Variants in RIMS2 observed in about 807,000 individuals in gnomAD.
The protein encoded by RIMS2 is regulating synaptic membrane exocytosis 2, also known as regulating synaptic membrane exocytosis protein 2.
Under a neutral mutation model 174.4 loss-of-function variants are expected in RIMS2, and 59 were observed. The ratio of observed to expected loss-of-function variants is 0.34; its 90% CI spans 0.27 to 0.42. The LOEUF (loss-of-function observed/expected upper bound fraction) is 0.42. Ranked by LOEUF, RIMS2 falls within the 10% of genes least tolerant of loss-of-function variation. The pLI is 1.00. For synonymous variants in RIMS2, 606 were observed against 572.5 expected, an observed-to-expected ratio of 1.06 and a Z score of -0.84; for missense variants, 1,620 against 1,666.3, an observed-to-expected ratio of 0.97 and a Z score of 0.48.
chr8:103,638,370 ACTGTGATGCTCTAATGATGACTTTCT>A (rs2096140098), intron 1 of RIMS2, among the ~76,000 whole-genome samples: 1 of 152,080 alleles, frequency 6.6e-6, no homozygotes, highest in Non-Finnish European at 1.5e-5. Context: ...AACAGTTACT[ACTGTGATGCTCTAATGATGACTTTCT>A]ATTTTCTTCA....
At chr8:104,100,809 A>ATATAT (rs367575154) in intron 19 of RIMS2, among the ~76,000 whole-genome samples, 1 of 141,402 alleles carries the variant, frequency 7.1e-6, no homozygotes, top group Admixed American at 7.5e-5. Flanking sequence ...TATATATATT[A>ATATAT]TATATTATAT....
intron 1 of RIMS2, among the ~76,000 whole-genome samples, chr8:103,622,698 T>A (rs903424748): frequency 2.6e-5 from 4 of 152,190 alleles, no homozygotes; most frequent in African/African-American, 9.7e-5. Flanking sequence ...ATTCAGTATA[T>A]CTGCCTTATT....
intron 17 of RIMS2, among the ~76,000 whole-genome samples, chr8:104,010,637 C>CA (rs903028504): frequency 6.7e-6 from 1 of 150,364 alleles, no homozygotes; most frequent in East Asian, 1.9e-4. Context: ...AATTCAAGTA[C>CA]AAAAAAAAGA....
intron 1 of RIMS2, among the ~76,000 whole-genome samples, chr8:103,623,487 T>TG (rs1554691299): frequency 7.4e-6 from 1 of 135,162 alleles, no homozygotes; most frequent in East Asian, 2.1e-4. Context: ...AGTTTTTTTT[T>TG]TTTTTTTTTT....
At chr8:104,206,517 A>G (rs2099080938) in intron 19 of RIMS2, among the ~76,000 whole-genome samples, 1 of 152,256 alleles carries the variant, frequency 6.6e-6, no homozygotes, top group African/African-American at 2.4e-5. Context: ...TATAATGATG[A>G]TAATAATACT....
At chr8:103,753,759 G>C (rs1035737593) in intron 2 of RIMS2, among the ~76,000 whole-genome samples, 29 of 152,176 alleles carry the variant, frequency 1.9e-4, no homozygotes, top group African/African-American at 6.0e-4. Context: ...GTATTTCTGT[G>C]AGATTGGTGG....
chr8:103,928,875 G>A (rs1807547414), intron 11 of RIMS2, among the ~76,000 whole-genome samples: 1 of 151,268 alleles, frequency 6.6e-6, no homozygotes, highest in Admixed American at 6.6e-5. Context: ...GTTATATTTG[G>A]GGGAATCAAC....
chr8:103,614,898 G>T (rs2095470577), intron 1 of RIMS2, among the ~76,000 whole-genome samples: 1 of 152,112 alleles, frequency 6.6e-6, no homozygotes, highest in South Asian at 2.1e-4. Context: ...TTTATATGAA[G>T]ATTTTTGTGA....
intron 2 of RIMS2, among the ~76,000 whole-genome samples, chr8:103,718,672 G>T (rs1175923435): frequency 4.7e-5 from 7 of 149,654 alleles, no homozygotes; most frequent in African/African-American, 1.7e-4. Flanking sequence ...TTTTTTTTGT[G>T]GGGGTGGGGA....
intron 3 of RIMS2, among the ~76,000 whole-genome samples, chr8:103,856,138 C>T (rs2099026331): frequency 6.6e-6 from 1 of 152,094 alleles, no homozygotes; most frequent in Non-Finnish European, 1.5e-5. Flanking sequence ...GTCTTTCTTA[C>T]ATTTTAGTAG....
At chr8:103,586,921 G>T (rs1210968282) in intron 1 of RIMS2, among the ~76,000 whole-genome samples, 1 of 151,980 alleles carries the variant, frequency 6.6e-6, no homozygotes, top group Non-Finnish European at 1.5e-5. Flanking sequence ...TGATATTGCA[G>T]ATATTTAAAG....
At chr8:103,931,418 G>A (rs952381624) in intron 12 of RIMS2, 25 bp downstream of exon 14, 47 of 1,501,570 alleles carry the variant, frequency 3.1e-5, no homozygotes, top group Middle Eastern at 2.0e-4. Context: ...CAAAATAAAT[G>A]TTCTGGAAAA....
chr8:104,138,753 G>A lies in RIMS2; in HGVS notation c.3335-106163G>A, dbSNP rs189502534. The stretch of plus-strand genomic sequence containing the variant: ...ACTTTGTTGTTTCCTTTGCTGTGGC[G>A]GAAGCCTTTTAACCTGATGTGATCC... On this transcript the variant is annotated intron_variant, in intron 19 of 23. Coordinates refer to ENST00000504942, the Ensembl canonical transcript of RIMS2. Among the ~76,000 whole-genome samples the A allele has an allele frequency of 1.7e-3, 253 of 151,980 alleles. 2 individuals are homozygous for A. The highest frequency in any genetic ancestry group is 1.2e-3 in the East Asian group (6 of 5,156).
chr8:103,575,628 A>G (rs1315106190), intron 1 of RIMS2, among the ~76,000 whole-genome samples: 1 of 148,856 alleles, frequency 6.7e-6, no homozygotes, highest in East Asian at 1.9e-4. Context: ...TATATAATAT[A>G]TATTTATGTT....
chr8:103,617,137 A>G (rs1395367171), intron 1 of RIMS2, among the ~76,000 whole-genome samples: 1 of 152,208 alleles, frequency 6.6e-6, no homozygotes, highest in African/African-American at 2.4e-5. Context: ...GGCTACAGTA[A>G]CCAACCAGCA....
intron 19 of RIMS2, among the ~76,000 whole-genome samples, chr8:104,158,654 A>G (rs2098740890): frequency 6.6e-6 from 1 of 152,130 alleles, no homozygotes; most frequent in Admixed American, 6.5e-5. Context: ...ACCAGTGATG[A>G]TGAGCATTTT....
intron 19 of RIMS2, among the ~76,000 whole-genome samples, chr8:104,099,837 G>A (rs1364179772): frequency 6.8e-6 from 1 of 146,410 alleles, no homozygotes; most frequent in Non-Finnish European, 1.5e-5. Context: ...TTTTTTTTGA[G>A]ACAGCATCTC....
At chr8:103,787,836 A>T (rs201543554) in intron 3 of RIMS2, among the ~76,000 whole-genome samples, 34,744 of 151,764 alleles carry the variant, frequency 0.23, 4,204 homozygotes, top group Non-Finnish European at 0.25. Context: ...AGATCGGGGA[A>T]GTTCTCCTGG....
chr8:104,223,598 G>C, intron 19 of RIMS2: 1 of 1,515,170 alleles, frequency 6.6e-7, no homozygotes, highest in South Asian at 1.2e-5. Context: ...CTGCGCCCCA[G>C]CCGCCAAGAC....
Sources: gnomAD v4.1 joint callset for allele counts (sites outside exome capture counted in the v4.1 genomes callset) on GRCh38, gnomAD v4.1.1 for gene constraint, MANE v1.5 for transcripts, NCBI Gene and HGNC (gene_info 2026-07-23, HGNC 2026-07-21) for gene names.